KPRP: variants seen among roughly 807,000 people sequenced by gnomAD.
KPRP encodes keratinocyte proline rich protein.
For synonymous variants in KPRP, 282 were observed against 276.9 expected, an observed-to-expected ratio of 1.02 and a Z score of -0.18; for missense variants, 820 against 746.4, an observed-to-expected ratio of 1.10 and a Z score of -1.15.
chr1:152,759,631 C>G (rs1014178780), exon 1 of KPRP: 2 of 1,614,026 alleles, frequency 1.2e-6, no homozygotes, highest in South Asian at 1.1e-5. Flanking sequence ...GCCGCTCCAA[C>G]AGTGCTGCGT....
chr1:152,760,670 C>A (rs1396344755), exon 1 of KPRP: 2 of 1,612,476 alleles, frequency 1.2e-6, no homozygotes, highest in Non-Finnish European at 1.7e-6. Flanking sequence ...GGCCCGCAGC[C>A]CTCCTGGGGC....
Position 152,760,779 on chromosome 1 carries a change from G to A in KPRP, c.1191G>A (p.Gln397=), listed in dbSNP as rs778870651. ...ACCAGTGTCCAGAGTCACCACTGCA[G>A]CGATGTCCACCTCCTGCTCCACGTC... Residue 397 remains glutamine (Q), a synonymous_variant, in exon 1 of 1, where the codon CAG becomes CAA. Coordinates refer to ENST00000606109, the Ensembl canonical transcript of KPRP. The A allele has an allele frequency of 5.0e-6, 8 of 1,614,206 alleles. No homozygotes were observed. The South Asian group carries it at 7.7e-5, about 16-fold the overall frequency.
upstream of KPRP, among the ~76,000 whole-genome samples, chr1:152,758,460 G>A (rs1171364239): frequency 6.6e-6 from 1 of 152,186 alleles, no homozygotes; most frequent in African/African-American, 2.4e-5. Context: ...CTCATCAGGA[G>A]CATTTGGGGA....
chr1:152,760,647 C>G, exon 1 of KPRP: 1 of 1,611,274 alleles, frequency 6.2e-7, no homozygotes, highest in Non-Finnish European at 8.5e-7. Context: ...TCAGACGCCG[C>G]TCCCAGAGCT....
upstream of KPRP, among the ~76,000 whole-genome samples, chr1:152,759,019 A>G (rs1025451069): frequency 6.6e-5 from 10 of 152,262 alleles, no homozygotes; most frequent in Non-Finnish European, 1.5e-4. Flanking sequence ...ATAGAGAAAC[A>G]AACATTTAAT....
Position 152,760,597 on chromosome 1 carries a change from C to T in KPRP, c.1009C>T (p.Gln337Ter). ...GATTTCCTCCCCGTGCTGCCCCAGG[C>T]AGGTTCCCCCACAGAGGTGTCCTGT... Residue 337 changes from glutamine (Q) to a stop codon, truncating the protein, a stop_gained, in exon 1 of 1, where the codon CAG becomes TAG. Coordinates refer to ENST00000606109, the Ensembl canonical transcript of KPRP. LOFTEE classifies it low-confidence loss of function (END_TRUNC). 2 of 1,608,836 alleles carry T rather than the reference C, an allele frequency of 1.2e-6. No individual in the cohort carries two copies. Among genetic ancestry groups the T allele is most frequent in the Non-Finnish European group, 1.7e-6 (2 of 1,180,004 alleles).
At chr1:152,760,801 C>A (rs1461205898) in exon 1 of KPRP, 3 of 1,614,134 alleles carry the variant, frequency 1.9e-6, no homozygotes, top group Middle Eastern at 1.6e-4. Context: ...TCCTGCTCCA[C>A]GTCCACGTCT....
chr1:152,761,945 T>C (rs1651153312), exon 1 of KPRP: 1 of 168,144 alleles, frequency 5.9e-6, no homozygotes, highest in South Asian at 2.1e-4. Flanking sequence ...GGCTGTTGCT[T>C]AGCAAGGCTT....
At chr1:152,759,613 T>A (rs749470373) in exon 1 of KPRP, 1 of 1,614,046 alleles carries the variant, frequency 6.2e-7, no homozygotes, top group South Asian at 1.1e-5. Flanking sequence ...GCAGATCCAG[T>A]GCCGCCTGCC....
upstream of KPRP, among the ~76,000 whole-genome samples, chr1:152,758,516 C>T (rs1006272398): frequency 2.0e-5 from 3 of 152,156 alleles, no homozygotes; most frequent in South Asian, 6.2e-4. Flanking sequence ...GTCAAATGAT[C>T]TTGTTTTGCT....
Position 152,760,828 on chromosome 1 carries a change from A to G in KPRP, c.1240A>G (p.Ile414Val), listed in dbSNP as rs550355319. 177 of 1,614,156 alleles carry G rather than the reference A, an allele frequency of 1.1e-4. 3 individuals carry two copies. The South Asian group carries it at 1.9e-3, about 17-fold the overall frequency. ...TCCACGTCTGCGCCCAGAACCATGC[A>G]TAAGTCTAGAACCACGCCCGCGTCC... is the stretch of plus-strand genomic sequence containing the variant. The change falls in exon 1 of 1, where the codon ATA becomes GTA. Residue 414 changes from isoleucine to valine, a missense_variant. Physicochemically the swap from Ile to Val is conservative, Grantham distance 29. Transcript: ENST00000606109.
upstream of KPRP, among the ~76,000 whole-genome samples, chr1:152,759,267 T>G (rs1352489207): frequency 6.6e-6 from 1 of 152,136 alleles, no homozygotes; most frequent in Non-Finnish European, 1.5e-5. Context: ...CCACATTGGA[T>G]GTGAGAAAGT....
chr1:152,761,141 C>G (rs1435550819), exon 1 of KPRP: 1 of 1,614,158 alleles, frequency 6.2e-7, no homozygotes, highest in Non-Finnish European at 8.5e-7. Context: ...TGTCATGAGT[C>G]TAGTCCACAC....
exon 1 of KPRP, chr1:152,760,673 C>A (rs764459142): frequency 6.2e-6 from 10 of 1,612,588 alleles, no homozygotes; most frequent in Non-Finnish European, 7.6e-6. Context: ...CCGCAGCCCT[C>A]CTGGGGCGCC....
At chr1:152,760,974 A>G in exon 1 of KPRP, 1 of 1,612,132 alleles carries the variant, frequency 6.2e-7, no homozygotes, top group Non-Finnish European at 8.5e-7. Context: ...AGCCACGTCC[A>G]TGCCTGCAGC....
chr1:152,759,489 G>C (rs1352526295), upstream of KPRP: 1 of 1,491,678 alleles, frequency 6.7e-7, no homozygotes, highest in African/African-American at 1.4e-5. Flanking sequence ...GAAGATGCAG[G>C]GTGTCTTCCT....
Position 152,760,600 on chromosome 1 carries a change from G to T in KPRP, c.1012G>T (p.Val338Phe), listed in dbSNP as rs745946948. The change falls in exon 1 of 1, where the codon GTT (valine) becomes TTT (phenylalanine). Residue 338 changes from valine to phenylalanine, a missense_variant. Coordinates refer to ENST00000606109, the Ensembl canonical transcript of KPRP. ...TTCCTCCCCGTGCTGCCCCAGGCAG[G>T]TTCCCCCACAGAGGTGTCCTGTTGA... The T allele has an allele frequency of 1.9e-6, 3 of 1,608,928 alleles. No homozygotes were observed. Among genetic ancestry groups the T allele is most frequent in the East Asian group, 4.5e-5 (2 of 44,866 alleles).
chr1:152,758,847 C>T (rs926834874), upstream of KPRP, among the ~76,000 whole-genome samples: 9 of 152,308 alleles, frequency 5.9e-5, no homozygotes, highest in South Asian at 1.7e-3. Flanking sequence ...GGCAAGTTGC[C>T]ATGGTGGTCA....
At position 152,759,890 on chromosome 1, in the gene KPRP, A is replaced by C. The variant is rs114905769; in HGVS notation, c.302A>C (p.Gln101Pro). Residue 101 changes from glutamine to proline, a missense_variant, in exon 1 of 1, where the codon CAA becomes CCA. Transcript: ENST00000606109. ...CAGGTGAAGGGCCAGGCTGCATCCC[A>C]ATCTCAAACTTCCTCTGTTCAAAGC... 1,136 of 1,614,018 alleles carry C rather than the reference A, an allele frequency of 7.0e-4. 5 individuals carry two copies. In the African/African-American group the frequency reaches 0.014, roughly 20 times the overall value.
Sources: gnomAD v4.1 joint callset for allele counts (sites outside exome capture counted in the v4.1 genomes callset) on GRCh38, gnomAD v4.1.1 for gene constraint, MANE v1.5 for transcripts, NCBI Gene and HGNC (gene_info 2026-07-23, HGNC 2026-07-21) for gene names.